Variants in NRXN3 observed in about 807,000 individuals in gnomAD.
NRXN3 encodes the protein neurexin III.
In NRXN3, 32 loss-of-function variants were observed where a neutral mutation model predicts 137.6. The observed-to-expected ratio is 0.23, with a 90% CI of 0.18 to 0.31. The LOEUF (loss-of-function observed/expected upper bound fraction) is 0.31. Among genes scored for constraint, NRXN3 ranks in the 10% least tolerant of loss-of-function variants. The pLI, the probability that NRXN3 is intolerant of heterozygous loss-of-function variation, is 1.00. For synonymous variants in NRXN3, 798 were observed against 784.5 expected (o/e 1.02, Z -0.29); for missense variants, 1,574 against 2,062.5 (o/e 0.76, Z 4.59).
intron 15 of NRXN3, among the ~76,000 whole-genome samples, chr14:79,336,287 C>A (rs143365877): frequency 8.8e-4 from 134 of 152,206 alleles, no homozygotes; most frequent in Middle Eastern, 3.4e-3. Flanking sequence ...CATGTGCTTA[C>A]CCCTAAGAGA....
At chr14:79,270,455 GAA>G (rs2079131455) in intron 15 of NRXN3, among the ~76,000 whole-genome samples, 1 of 152,142 alleles carries the variant, frequency 6.6e-6, no homozygotes, top group Non-Finnish European at 1.5e-5. Context: ...TTGCCTGTGA[GAA>G]AAAGAGTTTT....
intron 15 of NRXN3, among the ~76,000 whole-genome samples, chr14:79,111,516 A>C (rs2152885604): frequency 6.6e-6 from 1 of 152,266 alleles, no homozygotes; most frequent in South Asian, 2.1e-4. Flanking sequence ...AGGCGGGCAG[A>C]TCACCTGAGG....
intron 15 of NRXN3, among the ~76,000 whole-genome samples, chr14:79,258,305 C>T (rs2077070314): frequency 6.6e-6 from 1 of 152,070 alleles, no homozygotes; most frequent in African/African-American, 2.4e-5. Flanking sequence ...TCAAGTGATT[C>T]TCGATTCTGG....
At chr14:79,665,258 A>G (rs1161767542) in intron 17 of NRXN3, among the ~76,000 whole-genome samples, 2 of 152,168 alleles carry the variant, frequency 1.3e-5, no homozygotes, top group Non-Finnish European at 2.9e-5. Flanking sequence ...GTATTGAGGC[A>G]AAAAGCTCCA....
At chr14:78,225,056 G>A (rs1238588957) in intron 1 of NRXN3, among the ~76,000 whole-genome samples, 6 of 152,124 alleles carry the variant, frequency 3.9e-5, no homozygotes, top group African/African-American at 1.2e-4. Context: ...GTGAGCCACC[G>A]CACCCGGCCG....
intron 4 of NRXN3, among the ~76,000 whole-genome samples, chr14:78,393,144 A>G (rs1391576436): frequency 1.3e-5 from 2 of 152,154 alleles, no homozygotes; most frequent in Admixed American, 1.3e-4. Context: ...ATATACAAAG[A>G]ATTCCAAGGA....
At chr14:79,461,145 A>G (rs768159966) in intron 15 of NRXN3, among the ~76,000 whole-genome samples, 5 of 151,872 alleles carry the variant, frequency 3.3e-5, no homozygotes, top group Non-Finnish European at 5.9e-5. Context: ...CTCCTTTTGG[A>G]GCTCTTGATC....
At chr14:78,566,703 T>C (rs530975010) in intron 4 of NRXN3, among the ~76,000 whole-genome samples, 2 of 152,328 alleles carry the variant, frequency 1.3e-5, no homozygotes, top group African/African-American at 4.8e-5. Context: ...CGAGTCCCTC[T>C]GAGATGGCTG....
intron 15 of NRXN3, among the ~76,000 whole-genome samples, chr14:79,167,374 C>T (rs1223743055): frequency 6.6e-6 from 1 of 151,902 alleles, no homozygotes; most frequent in Non-Finnish European, 1.5e-5. Flanking sequence ...GTGTGACTTT[C>T]TTCAGGGCTC....
chr14:78,266,127 C>T (rs929769792), intron 2 of NRXN3, among the ~76,000 whole-genome samples: 3 of 152,270 alleles, frequency 2.0e-5, no homozygotes, highest in East Asian at 3.9e-4. Context: ...GAAACACCTC[C>T]TTTTTTTGTT....
At position 78,750,413 on chromosome 14, in the gene NRXN3, T is replaced by A. The variant is rs531772383; in HGVS notation, c.2044+35274T>A. Among the ~76,000 whole-genome samples, 22 of 152,248 alleles carry A rather than the reference T, an allele frequency of 1.4e-4. No homozygotes were observed. The South Asian group carries it at 4.6e-3, about 32-fold the overall frequency. On this transcript the variant is annotated intron_variant, in intron 8 of 20. Coordinates refer to ENST00000335750, the MANE Select transcript of NRXN3 (RefSeq NM_001330195.2). ...GTAGGTGATCTTGTTATGCTTAATA[T>A]CTAGTGTGATGCTGGAGGAAAGACA...
intron 15 of NRXN3, among the ~76,000 whole-genome samples, chr14:79,185,677 G>C (rs1415545273): frequency 6.6e-6 from 1 of 152,030 alleles, no homozygotes; most frequent in Non-Finnish European, 1.5e-5. Flanking sequence ...ATGTTAGCCA[G>C]GATGGTCTCG....
In NRXN3 at chr14:79,215,094, C is replaced by T. The variant is rs1026590516; in HGVS notation, c.3262+226953C>T. On this transcript the variant is annotated intron_variant, in intron 15 of 20. Transcript: ENST00000335750. ...CACTCCTCAGGGATGCTGAGACTGG[C>T]ACTGGTGCTACCGGATATTAAACAG... Among the ~76,000 whole-genome samples the T allele has an allele frequency of 2.0e-5, 3 of 152,126 alleles. No individual in the cohort carries two copies. In the South Asian group the frequency reaches 6.2e-4, roughly 32 times the overall value.
intron 16 of NRXN3, among the ~76,000 whole-genome samples, chr14:79,502,445 A>G (rs11848580): frequency 0.36 from 55,244 of 151,814 alleles, 10,176 homozygotes; most frequent in Middle Eastern, 0.39. Context: ...TCTAAGAAAG[A>G]GATTTTTGTT....
intron 6 of NRXN3, among the ~76,000 whole-genome samples, chr14:78,693,560 A>G (rs1451133153): frequency 3.3e-5 from 5 of 151,730 alleles, no homozygotes; most frequent in Non-Finnish European, 7.4e-5. Flanking sequence ...CCAAACACAC[A>G]TATCATCCCC....
chr14:79,689,072 A>G (rs17109760), intron 17 of NRXN3, among the ~76,000 whole-genome samples: 9,303 of 152,166 alleles, frequency 0.061, 332 homozygotes, highest in South Asian at 0.099. Context: ...TTCTCTAATT[A>G]GTAATGCACG....
At chr14:79,631,489 G>A (rs116788045) in intron 16 of NRXN3, among the ~76,000 whole-genome samples, 1,802 of 152,318 alleles carry the variant, frequency 0.012, 33 homozygotes, top group African/African-American at 0.04. Flanking sequence ...TGCACTGGGC[G>A]CTCGCTGGCA....
intron 6 of NRXN3, among the ~76,000 whole-genome samples, chr14:78,671,923 A>C (rs2097940243): frequency 6.6e-6 from 1 of 152,220 alleles, no homozygotes; most frequent in South Asian, 2.1e-4. Context: ...AGTTCAATTC[A>C]GTTTAAGGCA....
intron 3 of NRXN3, among the ~76,000 whole-genome samples, chr14:78,288,840 C>G (rs536287336): frequency 6.6e-6 from 1 of 152,290 alleles, no homozygotes; most frequent in South Asian, 2.1e-4. Flanking sequence ...CATTCTTTCC[C>G]CTACACTGTA....
Sources: allele counts gnomAD v4.1 joint callset (sites outside exome capture counted in the v4.1 genomes callset), GRCh38; gene constraint gnomAD v4.1.1; transcripts MANE v1.5; gene names NCBI Gene and HGNC (gene_info 2026-07-23, HGNC 2026-07-21).